DNAJC25: variants seen among roughly 807,000 people sequenced by gnomAD.
The protein encoded by DNAJC25 is DnaJ heat shock protein family (Hsp40) member C25.
A neutral mutation model predicts 42.1 loss-of-function variants in DNAJC25; 26 were observed. The ratio of observed to expected loss-of-function variants is 0.62; its 90% CI spans 0.45 to 0.86. The LOEUF is 0.86. Ranked by LOEUF, DNAJC25 falls within the 40% of genes least tolerant of loss-of-function variation. The pLI is 0.00. For synonymous variants in DNAJC25, 189 were observed against 179.9 expected, an observed-to-expected ratio of 1.05 and a Z score of -0.40; for missense variants, 404 against 459.4, an observed-to-expected ratio of 0.88 and a Z score of 1.10.
At chr9:111,643,336 G>A (rs1404899976) in intron 1 of DNAJC25, among the ~76,000 whole-genome samples, 6 of 152,126 alleles carry the variant, frequency 3.9e-5, no homozygotes, top group Admixed American at 3.9e-4. Context: ...ACTGTACTAG[G>A]CCTTGGAGTT....
chr9:111,652,123 T>C (rs1830670040), intron 3 of DNAJC25, among the ~76,000 whole-genome samples: 1 of 151,972 alleles, frequency 6.6e-6, no homozygotes, highest in African/African-American at 2.4e-5. Context: ...TAGACATTAG[T>C]TGTAGAGAGG....
At chr9:111,640,062 GAATGCCTGCGA>G (rs1418817834) in intron 1 of DNAJC25, among the ~76,000 whole-genome samples, 1 of 151,568 alleles carries the variant, frequency 6.6e-6, no homozygotes, top group Non-Finnish European at 1.5e-5. Context: ...TCAGTCTGCC[GAATGCCTGCGA>G]TTGCAGGCAC....
intron 3 of DNAJC25, among the ~76,000 whole-genome samples, chr9:111,651,114 A>G (rs1022155522): frequency 1.3e-4 from 19 of 151,850 alleles, no homozygotes; most frequent in African/African-American, 4.4e-4. Context: ...ATACAAAAAA[A>G]TTAGCTGGGC....
chr9:111,642,998 T>C, intron 1 of DNAJC25: 1 of 460,640 alleles, frequency 2.2e-6, no homozygotes, highest in Non-Finnish European at 4.5e-6. Flanking sequence ...GAAACAAGTA[T>C]AAAGGTTTTG....
At position 111,653,842 on chromosome 9, in the gene DNAJC25, A is replaced by C. The variant is rs897354960; in HGVS notation, c.*620A>C. 4 of 152,678 alleles carry C rather than the reference A, an allele frequency of 2.6e-5. No homozygotes were observed. 9.5% of individuals were successfully genotyped at this position (152,678 alleles called of 1,614,324 possible). ...TTTGTTTTTAAAGCCAGTCAAATAT[A>C]ATAGTCTTAATAAGATCAGAAACTC... On this transcript the variant is annotated 3_prime_UTR_variant, in exon 4 of 4. Coordinates refer to ENST00000313525, the MANE Select transcript of DNAJC25 (RefSeq NM_001015882.3).
chr9:111,644,546 G>C (rs1830535840), intron 1 of DNAJC25, among the ~76,000 whole-genome samples: 1 of 152,146 alleles, frequency 6.6e-6, no homozygotes, highest in Non-Finnish European at 1.5e-5. Context: ...AGATTTCAAC[G>C]ACACTCCAAG....
At chr9:111,637,118 T>C (rs775784101) in intron 1 of DNAJC25, among the ~76,000 whole-genome samples, 15 of 152,200 alleles carry the variant, frequency 9.9e-5, no homozygotes, top group Admixed American at 2.0e-4. Context: ...TTATCGTAGG[T>C]AAATGGAACA....
Position 111,649,696 on chromosome 9 carries a change from C to T in DNAJC25, c.733C>T (p.Leu245Phe), listed in dbSNP as rs1212150179. 6.2e-7 allele frequency: 1 copy of T among 1,614,084 alleles called. No homozygotes were observed. Residue 245 changes from leucine (L) to phenylalanine (F), a missense_variant, in exon 3 of 4, where the codon CTC becomes TTC. Physicochemically the swap from Leu to Phe is conservative, Grantham distance 22. Transcript: ENST00000313525. ...GYQKPQICDL[L>F]LFQIILAPFH... ...TCAGAAACCCCAAATCTGTGATCTTCTCCTGTTTCAAATTATCTTAGCTCC... is the reference window on the plus strand; with the variant it reads ...TCAGAAACCCCAAATCTGTGATCTTTTCCTGTTTCAAATTATCTTAGCTCC...
intron 3 of DNAJC25, 72 bp downstream of exon 3, chr9:111,649,995 G>T: frequency 7.4e-7 from 1 of 1,350,032 alleles, no homozygotes; most frequent in East Asian, 2.5e-5. Flanking sequence ...ATTATAATGA[G>T]GGATCACAGA....
intron 1 of DNAJC25, among the ~76,000 whole-genome samples, chr9:111,642,603 C>CAATAAAAAA (rs201957943): frequency 9.2e-6 from 1 of 109,264 alleles, no homozygotes; most frequent in Non-Finnish European, 1.7e-5. Flanking sequence ...CAAGAATTAT[C>CAATAAAAAA]AATAAATAAA....
At chr9:111,636,856 T>G (rs376053210) in intron 1 of DNAJC25, among the ~76,000 whole-genome samples, 5 of 152,176 alleles carry the variant, frequency 3.3e-5, no homozygotes, top group South Asian at 2.1e-4. Flanking sequence ...TGGTAGTGTA[T>G]GTACCACATT....
chr9:111,635,314 A>G (rs898559358), intron 1 of DNAJC25, among the ~76,000 whole-genome samples: 1 of 152,034 alleles, frequency 6.6e-6, no homozygotes, highest in African/African-American at 2.4e-5. Context: ...TGTTATAAAA[A>G]CTCTTATCTG....
At chr9:111,650,389 A>G (rs1458332158) in intron 3 of DNAJC25, among the ~76,000 whole-genome samples, 1 of 151,928 alleles carries the variant, frequency 6.6e-6, no homozygotes, top group Non-Finnish European at 1.5e-5. Context: ...ATTCTGCGTA[A>G]TAACTGACAT....
chr9:111,641,659 C>T (rs1304536277), intron 1 of DNAJC25, among the ~76,000 whole-genome samples: 5 of 135,968 alleles, frequency 3.7e-5, no homozygotes, highest in African/African-American at 8.7e-5. Context: ...CCAGCCGCCC[C>T]GTCCGGGAGG....
intron 1 of DNAJC25, among the ~76,000 whole-genome samples, chr9:111,644,783 G>A (rs952830530): frequency 6.6e-6 from 1 of 152,184 alleles, no homozygotes; most frequent in Non-Finnish European, 1.5e-5. Context: ...GCGCCAAAAC[G>A]GCATTTCTAT....
chr9:111,651,286 T>A (rs1027099241), intron 3 of DNAJC25, among the ~76,000 whole-genome samples: 32 of 139,712 alleles, frequency 2.3e-4, no homozygotes, highest in Non-Finnish European at 1.4e-4. Context: ...AAAAAAAAAA[T>A]GTTATTTAGT....
chr9:111,641,493 C>T (rs867961723), intron 1 of DNAJC25, among the ~76,000 whole-genome samples: 1,558 of 84,444 alleles, frequency 0.018, 151 homozygotes, highest in African/African-American at 0.098. Flanking sequence ...TGAGGAGCCC[C>T]TCTGCCCGGC....
Position 111,649,819 on chromosome 9 carries a change from A to G in DNAJC25, c.856A>G (p.Ile286Val). The change falls in exon 3 of 4, where the codon ATA becomes GTA. Residue 286 changes from isoleucine to valine, a missense_variant. Physicochemically the swap from Ile to Val is conservative, Grantham distance 29. Coordinates refer to ENST00000313525, the MANE Select transcript of DNAJC25 (RefSeq NM_001015882.3). The part of the protein sequence containing the change: ...EYGEEERLYI[I>V]RKSMKMSKSQ... ...TGGAGAGGAAGAGAGATTATACATT[A>G]TACGTAAATCTATGAAGATGTCAAA... 6.2e-7 allele frequency: 1 copy of G among 1,613,764 alleles called. No homozygotes were observed. Among genetic ancestry groups the G allele is most frequent in the African/African-American group, 1.3e-5 (1 of 75,036 alleles).
At chr9:111,637,690 T>C (rs1258637457) in intron 1 of DNAJC25, among the ~76,000 whole-genome samples, 1 of 152,244 alleles carries the variant, frequency 6.6e-6, no homozygotes, top group Non-Finnish European at 1.5e-5. Context: ...GAACTGTTCT[T>C]GTTGAGGTGA....
Sources: allele counts gnomAD v4.1 joint callset (sites outside exome capture counted in the v4.1 genomes callset), GRCh38; gene constraint gnomAD v4.1.1; transcripts MANE v1.5; gene names NCBI Gene and HGNC (gene_info 2026-07-23, HGNC 2026-07-21).